The following TBRG4 variants were observed in gnomAD, a reference collection of about 807,000 sequenced individuals.
TBRG4 encodes transforming growth factor beta regulator 4, also known as FAST kinase domain-containing protein 4.
A neutral mutation model predicts 65.6 loss-of-function variants in TBRG4; 43 were observed. The observed-to-expected ratio is 0.66, with a 90% CI of 0.51 to 0.85. TBRG4 has a LOEUF of 0.85. Among genes scored for constraint, TBRG4 ranks in the 40% least tolerant of loss-of-function variants. The pLI, the probability that TBRG4 is intolerant of heterozygous loss-of-function variation, is 0.00. For missense variants in TBRG4, 709 were observed against 787.9 expected, an observed-to-expected ratio of 0.90 and a Z score of 1.20; for synonymous variants, 366 against 341.4, an observed-to-expected ratio of 1.07 and a Z score of -0.79.
At chr7:45,102,514 G>A in intron 6 of TBRG4, 23 bp from the exon 7 acceptor site, 2 of 1,601,598 alleles carry the variant, frequency 1.2e-6, no homozygotes, top group South Asian at 1.1e-5. Context: ...AGAGTGTGGT[G>A]GAGAAAGCAG....
chr7:45,108,679 A>C, intron 2 of TBRG4, 148 bp downstream of exon 2: 1 of 616,116 alleles, frequency 1.6e-6, no homozygotes, highest in Non-Finnish European at 2.6e-6. Flanking sequence ...AGCACGATAA[A>C]GCACTTTGAA....
rs148344719 is a variant in TBRG4 at position 45,111,663 on chromosome 7, C to T, written c.-71G>A. 518 of 1,289,490 alleles carry T rather than the reference C, an allele frequency of 4.0e-4. 1 individual carries two copies. The Middle Eastern group carries it at 4.3e-3, about 11-fold the overall frequency. 79.9% of individuals were successfully genotyped at this position (1,289,490 alleles called of 1,614,324 possible). The stretch of plus-strand genomic sequence containing the variant: ...CCTACGCAGCGAGCACCACCGCTGA[C>T]CTCCATCCGCCGCCCTAACTGTCCC... On this transcript the variant is annotated 5_prime_UTR_variant, in exon 1 of 11. Transcript: ENST00000258770.
chr7:45,105,653 G>T lies in TBRG4; in HGVS notation c.523C>A (p.Arg175Ser). 6.2e-7 allele frequency: 1 copy of T among 1,614,016 alleles called. No individual in the cohort carries two copies. Among genetic ancestry groups the T allele is most frequent in the Non-Finnish European group, 8.5e-7 (1 of 1,180,034 alleles). ...LQSVEQEVRW[R>S]MRKLKYKHLA... The stretch of plus-strand genomic sequence containing the variant: ...TGCTTGTACTTGAGCTTCCGCATGC[G>T]CCAGCGGACCTCCTGCTCCACCGAC... The change falls in exon 3 of 11, where the codon CGC (arginine) becomes AGC (serine). Residue 175 changes from arginine (R) to serine (S), a missense_variant. Arg to Ser is a moderately radical substitution (Grantham distance 110, BLOSUM62 -1). Transcript: ENST00000258770.
chr7:45,110,445 T>C (rs930236898), intron 1 of TBRG4, among the ~76,000 whole-genome samples: 1 of 152,058 alleles, frequency 6.6e-6, no homozygotes, highest in Non-Finnish European at 1.5e-5. Context: ...GGCGGGCAGA[T>C]CACGAGGTCA....
At chr7:45,107,874 A>C (rs1417261002) in intron 2 of TBRG4, 2 of 152,720 alleles carry the variant, frequency 1.3e-5, no homozygotes, top group Non-Finnish European at 2.9e-5. Flanking sequence ...TATGAATTAT[A>C]TCCCCAGCAA....
Position 45,104,537 on chromosome 7 carries a change from C to T in TBRG4, c.907+1G>A. ...TCCACCGTTCTGTCCAAAGGGCTCA[C>T]CATAGGCATAGGCCACGTCCAAGAG... On this transcript the variant is annotated splice_donor_variant, in intron 4 of 10. Transcript: ENST00000258770. LOFTEE classifies it high-confidence loss of function. 1 of 1,613,898 alleles carries T rather than the reference C, an allele frequency of 6.2e-7. No homozygotes were observed. The highest frequency in any genetic ancestry group is 2.2e-5 in the East Asian group (1 of 44,876).
chr7:45,104,527 AAAGGGCTCACCATAGGCATAGGCCACGT>A lies in TBRG4; in HGVS notation c.890_907+10del. The A allele has an allele frequency of 6.2e-7, 1 of 1,613,814 alleles. No homozygotes were observed. The highest frequency in any genetic ancestry group is 8.5e-7 in the Non-Finnish European group (1 of 1,179,980). ...CTCCCCTCTCTCCACCGTTCTGTCC[AAAGGGCTCACCATAGGCATAGGCCACGT>A]CCAAGAGCACATCTTTCGTCAGAGA... On this transcript the variant is annotated splice_donor_variant and splice_donor_5th_base_variant and coding_sequence_variant and intron_variant, in exon 4 of 11. Coordinates refer to ENST00000258770, the MANE Select transcript of TBRG4 (RefSeq NM_004749.4). LOFTEE classifies it high-confidence loss of function.
chr7:45,109,373 C>T, intron 1 of TBRG4, 86 bp from the exon 2 acceptor site: 1 of 1,118,160 alleles, frequency 8.9e-7, no homozygotes, highest in Non-Finnish European at 1.2e-6. Flanking sequence ...CAAAGCCACT[C>T]TATCTGTAAA....
In TBRG4 at chr7:45,105,675, C is replaced by G; in HGVS notation, c.501G>C (p.Ser167=). The part of the protein sequence containing the change: ...GIPKASKELQ[S]VEQEVRWRMR... ...TGCGCCAGCGGACCTCCTGCTCCAC[C>G]GACTGCAGCTCCTTGGAGGCCTTGG... The change falls in exon 3 of 11, where the codon TCG becomes TCC. Residue 167 remains serine (S), a synonymous_variant. Coordinates refer to ENST00000258770, the MANE Select transcript of TBRG4 (RefSeq NM_004749.4). 1 of 1,614,100 alleles carries G rather than the reference C, an allele frequency of 6.2e-7. No homozygotes were observed. Among genetic ancestry groups the G allele is most frequent in the East Asian group, 2.2e-5 (1 of 44,884 alleles).
intron 2 of TBRG4, among the ~76,000 whole-genome samples, chr7:45,108,505 G>A (rs548740071): frequency 1.3e-5 from 2 of 152,340 alleles, no homozygotes; most frequent in Non-Finnish European, 2.9e-5. Context: ...CACTGGCAGA[G>A]AGCAATACAA....
chr7:45,104,301 C>T, intron 4 of TBRG4, 45 bp from the exon 5 acceptor site: 4 of 1,611,664 alleles, frequency 2.5e-6, no homozygotes, highest in Non-Finnish European at 3.4e-6. Context: ...AGAGAGTCAG[C>T]AATCACCCAG....
intron 3 of TBRG4, 67 bp from the exon 4 acceptor site, chr7:45,104,776 GGGTCCCAT>G: frequency 6.3e-7 from 1 of 1,583,808 alleles, no homozygotes; most frequent in Non-Finnish European, 8.6e-7. Context: ...CTGGGGGCAG[GGGTCCCAT>G]GGTCCCATCC....
At position 45,109,187 on chromosome 7, in the gene TBRG4, A is replaced by G; in HGVS notation, c.51T>C (p.Ala17=). The G allele has an allele frequency of 6.2e-7, 1 of 1,612,910 alleles. No homozygotes were observed. The highest frequency in any genetic ancestry group is 1.3e-5 in the African/African-American group (1 of 75,020). Residue 17 remains alanine (A), a synonymous_variant, in exon 2 of 11, where the codon GCT becomes GCC. Coordinates refer to ENST00000258770, the MANE Select transcript of TBRG4 (RefSeq NM_004749.4). ...CTGGAGCCATGGCAGGGGCCTGACG[A>G]GCAGCTTCTCTCAGGAGGCACGTGC... The part of the protein sequence containing the change: ...KRCTCLLREA[A]RQAPAMAPVG...
Position 45,104,191 on chromosome 7 carries a change from G to A in TBRG4, c.973C>T (p.Pro325Ser). The change falls in exon 5 of 11, where the codon CCC (proline) becomes TCC (serine). Residue 325 changes from proline to serine, a missense_variant. Coordinates refer to ENST00000258770, the MANE Select transcript of TBRG4 (RefSeq NM_004749.4). ...GCCACCTCACCAGAAGTCAGGCTGGGCATGAGGGATAGCAGGTCGGTGGCC... is the reference window on the plus strand; with the variant it reads ...GCCACCTCACCAGAAGTCAGGCTGGACATGAGGGATAGCAGGTCGGTGGCC... ...RLATDLLSLM[P>S]SLTSGEVAHC... 1 of 1,614,170 alleles carries A rather than the reference G, an allele frequency of 6.2e-7. No individual in the cohort carries two copies. Among genetic ancestry groups the A allele is most frequent in the African/African-American group, 1.3e-5 (1 of 75,076 alleles).
At position 45,100,220 on chromosome 7, in the gene TBRG4, TG is replaced by T; in HGVS notation, c.*104del. On this transcript the variant is annotated 3_prime_UTR_variant, in exon 11 of 11. Coordinates refer to ENST00000258770, the MANE Select transcript of TBRG4 (RefSeq NM_004749.4). ...GAGTGGCTGGCCACCCTCCCCACTC[TG>T]GCCAAGGTCCTGCACAGAGGTTTGT... The T allele has an allele frequency of 1.1e-6, 1 of 880,076 alleles. No individual in the cohort carries two copies. The highest frequency in any genetic ancestry group is 1.7e-6 in the Non-Finnish European group (1 of 583,536). The allele number at this position is 880,076 out of a possible 1,614,324, so 54.5% of individuals were successfully genotyped here.
In TBRG4 at chr7:45,101,632, G is replaced by C. The variant is rs1784768475; in HGVS notation, c.1568-18C>G. 6.2e-7 allele frequency: 1 copy of C among 1,611,478 alleles called. No homozygotes were observed. Among genetic ancestry groups the C allele is most frequent in the African/African-American group, 1.3e-5 (1 of 74,872 alleles). On this transcript the variant is annotated intron_variant, in intron 8 of 10. Transcript: ENST00000258770. The stretch of plus-strand genomic sequence containing the variant: ...CTCAGCATCTGGGGAAGGGGTGTGG[G>C]ATGAGAACATGTTGGGGGACATCCC...
Position 45,105,606 on chromosome 7 carries a change from G to A in TBRG4, c.570C>T (p.Ser190=), listed in dbSNP as rs1476354721. 2 of 1,614,168 alleles carry A rather than the reference G, an allele frequency of 1.2e-6. No individual in the cohort carries two copies. The highest frequency in any genetic ancestry group is 2.2e-5 in the East Asian group (1 of 44,888). ...KYKHLAFLAE[S]CATLSQEQHS... is the part of the protein sequence containing the mutation. ...GCTGCTCCTGTGAGAGGGTGGCACA[G>A]GACTCTGCCAGGAAGGCCAGGTGCT... Residue 190 remains serine (S), a synonymous_variant, in exon 3 of 11, where the codon TCC becomes TCT. Transcript: ENST00000258770.
chr7:45,107,899 C>T (rs757884215), intron 2 of TBRG4: 2 of 152,512 alleles, frequency 1.3e-5, no homozygotes, highest in East Asian at 3.9e-4. Context: ...TAATTATGTA[C>T]TGTAACCCCA....
In TBRG4 at chr7:45,108,818, G is replaced by A. The variant is rs370773807; in HGVS notation, c.411+9C>T. 14 of 1,523,298 alleles carry A rather than the reference G, an allele frequency of 9.2e-6. No individual in the cohort carries two copies. In the African/African-American group the frequency reaches 9.7e-5, roughly 11 times the overall value. 94.4% of individuals were successfully genotyped at this position (1,523,298 alleles called of 1,614,324 possible). ...TGTCTATGCTCTCAGACCACACTCCGGCACCCACCTGACTGTTGAGCAGAC... is the reference window on the plus strand; with the variant it reads ...TGTCTATGCTCTCAGACCACACTCCAGCACCCACCTGACTGTTGAGCAGAC... On this transcript the variant is annotated intron_variant, in intron 2 of 10. Transcript: ENST00000258770.
Sources: gnomAD v4.1 joint callset for allele counts (sites outside exome capture counted in the v4.1 genomes callset) on GRCh38, gnomAD v4.1.1 for gene constraint, MANE v1.5 for transcripts, NCBI Gene and HGNC (gene_info 2026-07-23, HGNC 2026-07-21) for gene names.